The following KLHL5 variants were observed in gnomAD, a reference collection of about 807,000 sequenced individuals.
KLHL5 encodes the protein kelch-like protein 5.
Under a neutral mutation model 77.7 loss-of-function variants are expected in KLHL5, and 48 were observed. That is an observed-to-expected ratio of 0.62 (90% confidence interval 0.49 to 0.79). KLHL5 has a LOEUF of 0.79. Ranked by LOEUF, KLHL5 falls within the 30% of genes least tolerant of loss-of-function variation. The probability of loss-of-function intolerance (pLI) is 0.00; values close to 1 mark genes in which losing one functional copy is unlikely to be tolerated. For synonymous variants in KLHL5, 260 were observed against 297.0 expected, an observed-to-expected ratio of 0.88 and a Z score of 1.28; for missense variants, 723 against 859.7, an observed-to-expected ratio of 0.84 and a Z score of 1.99.
intron 1 of KLHL5, among the ~76,000 whole-genome samples, chr4:39,051,218 T>C (rs2566116): frequency 0.76 from 115,346 of 152,112 alleles, 43,755 homozygotes; most frequent in East Asian, 0.82. Flanking sequence ...GACTCGTGTA[T>C]GTAGCTTCAC....
At chr4:39,114,789 G>A (rs1722717871) in intron 9 of KLHL5, among the ~76,000 whole-genome samples, 1 of 152,142 alleles carries the variant, frequency 6.6e-6, no homozygotes, top group East Asian at 1.9e-4. Context: ...TTCTAGTTAA[G>A]ACACCTCATG....
intron 2 of KLHL5, among the ~76,000 whole-genome samples, chr4:39,079,412 G>T (rs1428921317): frequency 6.6e-6 from 1 of 152,184 alleles, no homozygotes; most frequent in Non-Finnish European, 1.5e-5. Context: ...TCTCTGTCTT[G>T]TTCAGTCAGC....
At chr4:39,105,548 T>C (rs972601237) in intron 7 of KLHL5, among the ~76,000 whole-genome samples, 30 of 151,892 alleles carry the variant, frequency 2.0e-4, no homozygotes, top group Non-Finnish European at 1.3e-4. Flanking sequence ...TATATGTATA[T>C]ATGTAAAATT....
At chr4:39,056,299 T>C (rs1183646986) in intron 1 of KLHL5, among the ~76,000 whole-genome samples, 3 of 152,160 alleles carry the variant, frequency 2.0e-5, no homozygotes. Flanking sequence ...TTTGTAGAGA[T>C]GGGGTTTCAC....
chr4:39,138,136 A>G, the KLHL5 span, among the ~76,000 whole-genome samples: 1 of 152,202 alleles, frequency 6.6e-6, no homozygotes, highest in East Asian at 2.0e-4. Context: ...GTGAAAAAGC[A>G]CTTATGCACT....
At chr4:39,107,337 C>T (rs905097924) in intron 7 of KLHL5, among the ~76,000 whole-genome samples, 3 of 150,996 alleles carry the variant, frequency 2.0e-5, no homozygotes, top group South Asian at 4.2e-4. Flanking sequence ...CATAAGTCAC[C>T]GTGCCTGGGC....
At chr4:39,142,751 CAACTTGG>C in the KLHL5 span, among the ~76,000 whole-genome samples, 20 of 143,818 alleles carry the variant, frequency 1.4e-4, no homozygotes, top group East Asian at 4.1e-3. Context: ...ACACAGGCAA[CAACTTGG>C]AAGAACCTCA....
chr4:39,066,311 T>A (rs2109305676), intron 1 of KLHL5, among the ~76,000 whole-genome samples: 1 of 152,192 alleles, frequency 6.6e-6, no homozygotes, highest in South Asian at 2.1e-4. Context: ...CGGCCCACCA[T>A]GTAACCATAG....
chr4:39,117,207 G>A lies in KLHL5; in HGVS notation c.2073+1877G>A, dbSNP rs150101090. ...TCCTATCTACTTGGGAGGCTGAGGCGGAAGATCGCTTGAGCCCAGGAGTTG... is the reference window on the plus strand; with the variant it reads ...TCCTATCTACTTGGGAGGCTGAGGCAGAAGATCGCTTGAGCCCAGGAGTTG... On this transcript the variant is annotated intron_variant, in intron 10 of 10. Transcript: ENST00000504108. 3.0e-3 allele frequency among the ~76,000 whole-genome samples: 458 copies of A among 152,182 alleles called. 4 individuals carry two copies. The highest frequency in any genetic ancestry group is 9.9e-3 in the African/African-American group (410 of 41,542).
the KLHL5 span, among the ~76,000 whole-genome samples, chr4:39,138,758 GT>G: frequency 1.3e-5 from 2 of 151,664 alleles, no homozygotes; most frequent in Non-Finnish European, 1.5e-5. Context: ...CTTAAAATAA[GT>G]TAAAAAAATT....
At chr4:39,065,806 C>T (rs75398193) in intron 1 of KLHL5, among the ~76,000 whole-genome samples, 2,478 of 152,172 alleles carry the variant, frequency 0.016, 66 homozygotes, top group African/African-American at 0.056. Context: ...ATATGATATA[C>T]TAATTACTCG....
At chr4:39,084,001 T>A (rs770739469) in intron 4 of KLHL5, among the ~76,000 whole-genome samples, 6 of 152,256 alleles carry the variant, frequency 3.9e-5, no homozygotes, top group Non-Finnish European at 8.8e-5. Flanking sequence ...CTTGTCTGAT[T>A]TGAATTGTTG....
At position 39,052,802 on chromosome 4, in the gene KLHL5, C is replaced by G. The variant is rs139435897; in HGVS notation, c.-95+7706C>G. 1.4e-4 allele frequency among the ~76,000 whole-genome samples: 21 copies of G among 152,274 alleles called. No homozygotes were observed. The East Asian group carries it at 4.1e-3, about 29-fold the overall frequency. ...TTGATGGCCTGGTTTCTGCATGGTT[C>G]TTTGGAGAGGCCTGAATCAGTTTGT... On this transcript the variant is annotated intron_variant, in intron 1 of 11. Coordinates refer to the KLHL5 transcript ENST00000261425.
chr4:39,076,169 G>T, intron 2 of KLHL5, 22 bp downstream of exon 2: 1 of 1,576,276 alleles, frequency 6.3e-7, no homozygotes, highest in Non-Finnish European at 8.6e-7. Flanking sequence ...CTATATTTCT[G>T]TATGTGTGAA....
chr4:39,129,486 G>A (rs1723718430), downstream of KLHL5, among the ~76,000 whole-genome samples: 1 of 152,200 alleles, frequency 6.6e-6, no homozygotes, highest in South Asian at 2.1e-4. This position sits in a 1 kb window ranked among gnomAD's most constrained non-coding sequence, Gnocchi z 4.2. Flanking sequence ...GGGATTACAG[G>A]CATGAGTCAC....
At chr4:39,128,460 C>A (rs1723652675), downstream of KLHL5, among the ~76,000 whole-genome samples, 1 of 152,042 alleles carries the variant, frequency 6.6e-6, no homozygotes, top group Non-Finnish European at 1.5e-5. Flanking sequence ...AGGCTGGCTG[C>A]AGTGTGGAAC....
At chr4:39,066,008 G>A (rs1717865369) in intron 1 of KLHL5, among the ~76,000 whole-genome samples, 1 of 152,168 alleles carries the variant, frequency 6.6e-6, no homozygotes, top group African/African-American at 2.4e-5. Context: ...ATTCTAACAA[G>A]GAAAAATGTC....
At chr4:39,052,092 G>A (rs2711959) in intron 1 of KLHL5, among the ~76,000 whole-genome samples, 10,849 of 151,902 alleles carry the variant, frequency 0.071, 1,091 homozygotes, top group African/African-American at 0.23. Flanking sequence ...TTTTGATGTA[G>A]TGTTTTTACT....
At chr4:39,102,458 T>C (rs1190652275) in intron 6 of KLHL5, among the ~76,000 whole-genome samples, 1 of 151,476 alleles carries the variant, frequency 6.6e-6, no homozygotes, top group Non-Finnish European at 1.5e-5. Context: ...ACCGTCATAG[T>C]TCCCAAAGTA....
Sources: allele counts gnomAD v4.1 joint callset (sites outside exome capture counted in the v4.1 genomes callset), GRCh38; gene constraint gnomAD v4.1.1; non-coding constraint Gnocchi (gnomAD v3.1); transcripts MANE v1.5; gene names NCBI Gene and HGNC (gene_info 2026-07-23, HGNC 2026-07-21).